MYRFL: variants seen among roughly 807,000 people sequenced by gnomAD.
The protein encoded by MYRFL is myelin regulatory factor like, also known as myelin regulatory factor-like protein.
Under a neutral mutation model 109.4 loss-of-function variants are expected in MYRFL, and 88 were observed. The ratio of observed to expected loss-of-function variants is 0.80; its 90% CI spans 0.68 to 0.96. The LOEUF (loss-of-function observed/expected upper bound fraction) is 0.96, where lower values mean the gene tolerates loss of function less well. Ranked by LOEUF, MYRFL falls within the 40% of genes least tolerant of loss-of-function variation. MYRFL has a pLI of 0.00. For synonymous variants in MYRFL, 324 were observed against 320.9 expected (o/e 1.01, Z -0.10); for missense variants, 957 against 954.9 (o/e 1.00, Z -0.03).
At chr12:69,896,714 C>T (rs1483214252) in intron 9 of MYRFL, among the ~76,000 whole-genome samples, 1 of 152,162 alleles carries the variant, frequency 6.6e-6, no homozygotes. Flanking sequence ...TCCATTAAGG[C>T]CCAGGCCATG....
chr12:69,831,567 G>T (rs1882634809), intron 1 of MYRFL, among the ~76,000 whole-genome samples: 1 of 152,164 alleles, frequency 6.6e-6, no homozygotes, highest in South Asian at 2.1e-4. Context: ...GGCTCTGCAG[G>T]CCTTAATTTC....
At chr12:69,933,906 T>G (rs1955359216) in intron 16 of MYRFL, among the ~76,000 whole-genome samples, 1 of 152,144 alleles carries the variant, frequency 6.6e-6, no homozygotes, top group South Asian at 2.1e-4. Context: ...TGTTTACCAC[T>G]AAGACTGTAG....
At position 69,910,850 on chromosome 12, in the gene MYRFL, C is replaced by T. The variant is rs936831466; in HGVS notation, c.1522C>T (p.Leu508=). Residue 508 remains leucine (L), a synonymous_variant, in exon 13 of 25, where the codon CTG becomes TTG. Transcript: ENST00000552032. ...GMIAQEVQEI[L]PRAVREVGDV... ...GATTGCCCAGGAGGTGCAAGAAATC[C>T]TGCCCAGAGCAGTAAGAGAGGTTGG... The T allele has an allele frequency of 6.5e-6, 10 of 1,535,062 alleles. No individual in the cohort carries two copies. In the Admixed American group the frequency reaches 1.4e-4, roughly 21 times the overall value.
At chr12:69,928,042 T>C (rs1032808054) in intron 15 of MYRFL, among the ~76,000 whole-genome samples, 2 of 152,206 alleles carry the variant, frequency 1.3e-5, no homozygotes, top group African/African-American at 2.4e-5. Flanking sequence ...CAGATGGCCT[T>C]GTGCTGCCAG....
At chr12:69,914,826 A>C (rs1413826903) in intron 13 of MYRFL, among the ~76,000 whole-genome samples, 1 of 152,206 alleles carries the variant, frequency 6.6e-6, no homozygotes, top group African/African-American at 2.4e-5. Flanking sequence ...TAAAACTCAC[A>C]GGAGTCCAGG....
chr12:69,932,149 C>T (rs770216174), intron 15 of MYRFL, among the ~76,000 whole-genome samples: 14 of 147,002 alleles, frequency 9.5e-5, no homozygotes, highest in Non-Finnish European at 6.1e-5. Flanking sequence ...TCAAAAGTAT[C>T]CTACTCAAAG....
rs2120448494 is a variant in MYRFL at position 69,926,944 on chromosome 12, T to G, written c.1766+210T>G. 1.5e-5 allele frequency among the ~76,000 whole-genome samples: 2 copies of G among 135,874 alleles called. 1 individual carries two copies. Among genetic ancestry groups the G allele is most frequent in the African/African-American group, 5.4e-5 (2 of 37,190 alleles). 89.1% of individuals were successfully genotyped at this position (135,874 alleles called of 152,430 possible). A position where few individuals can be genotyped will look rare whatever the true frequency, so the allele number is the denominator to read the frequency against. On this transcript the variant is annotated intron_variant, in intron 14 of 24. Coordinates refer to ENST00000552032, the MANE Select transcript of MYRFL (RefSeq NM_182530.3). ...TTTTTCTGTTGCTGGTTTTTTTTTT[T>G]TTTTTTTTTTTTTTTTTGAGCCTGA...
At chr12:69,913,931 C>T (rs1954655124) in intron 13 of MYRFL, among the ~76,000 whole-genome samples, 1 of 152,194 alleles carries the variant, frequency 6.6e-6, no homozygotes, top group South Asian at 2.1e-4. Flanking sequence ...AATCCTTGAA[C>T]ATGGGATGTA....
rs1956135468 is a variant in MYRFL at position 69,958,166 on chromosome 12, G to A, written c.2572-83G>A. ...CCAATACTTCTCCTACAGTCATTGA[G>A]GAAATGCTTTTTCAGCCTGTACTCT... On this transcript the variant is annotated intron_variant, in intron 23 of 24. Transcript: ENST00000552032. 2.3e-6 allele frequency: 3 copies of A among 1,284,524 alleles called. No homozygotes were observed. The South Asian group carries it at 3.9e-5, about 17-fold the overall frequency. 79.6% of individuals were successfully genotyped at this position (1,284,524 alleles called of 1,614,324 possible).
chr12:69,945,880 G>C (rs1330550247), intron 19 of MYRFL, among the ~76,000 whole-genome samples: 1 of 146,122 alleles, frequency 6.8e-6, no homozygotes, highest in Non-Finnish European at 1.5e-5. Context: ...CCAGCTACTT[G>C]GGAGGCTGAG....
chr12:69,841,680 C>T (rs1283899589), intron 1 of MYRFL, among the ~76,000 whole-genome samples: 2 of 152,154 alleles, frequency 1.3e-5, no homozygotes, highest in Non-Finnish European at 2.9e-5. Flanking sequence ...CTTGTTGACC[C>T]CCGCTCTTAG....
intron 3 of MYRFL, 38 bp from the exon 4 acceptor site, chr12:69,879,157 G>C (rs1307046032): frequency 9.0e-6 from 6 of 666,402 alleles, no homozygotes; most frequent in Admixed American, 6.4e-5. Context: ...ACTCTGGGCC[G>C]TGAGAAAGGG....
chr12:69,866,816 T>G (rs1249753824), intron 2 of MYRFL, among the ~76,000 whole-genome samples: 1 of 152,224 alleles, frequency 6.6e-6, no homozygotes, highest in Admixed American at 6.5e-5. Context: ...CTTGTCCCAT[T>G]AGATGCTGTG....
At chr12:69,899,342 A>G (rs1265425092) in intron 10 of MYRFL, among the ~76,000 whole-genome samples, 1 of 152,210 alleles carries the variant, frequency 6.6e-6, no homozygotes, top group Non-Finnish European at 1.5e-5. Flanking sequence ...TGAATTAGTG[A>G]GTTTTAGAAA....
At chr12:69,877,031 T>TTCTTTCTTTC (rs1565988332) in intron 2 of MYRFL, among the ~76,000 whole-genome samples, 6 of 32,456 alleles carry the variant, frequency 1.8e-4, no homozygotes, top group Non-Finnish European at 3.3e-4. Context: ...TTCTTTTTTT[T>TTCTTTCTTTC]TTTTTTTTTT....
chr12:69,936,421 G>A (rs1040933783), intron 18 of MYRFL, 32 bp from the exon 19 acceptor site: 1 of 1,522,870 alleles, frequency 6.6e-7, no homozygotes. Context: ...TAACCTTCTT[G>A]CTTCCCCTCC....
chr12:69,958,324 G>A lies in MYRFL; in HGVS notation c.2646+1G>A, dbSNP rs1406602585. 3 of 1,535,562 alleles carry A rather than the reference G, an allele frequency of 2.0e-6. No homozygotes were observed. The highest frequency in any genetic ancestry group is 2.6e-6 in the Non-Finnish European group (3 of 1,146,746). ...GTTCCATTTCCGTGTAGCTGCACCG[G>A]TAAGCTTGCTTTTTCTTTTTCTTTT... On this transcript the variant is annotated splice_donor_variant, in intron 24 of 24. Transcript: ENST00000552032. LOFTEE classifies it high-confidence loss of function.
At chr12:69,858,646 A>G (rs1453364721) in intron 2 of MYRFL, among the ~76,000 whole-genome samples, 2 of 151,862 alleles carry the variant, frequency 1.3e-5, no homozygotes, top group Non-Finnish European at 2.9e-5. Flanking sequence ...TATTCATAGT[A>G]TTTTTTATTA....
chr12:69,887,111 T>G, intron 6 of MYRFL, 141 bp downstream of exon 6: 1 of 857,376 alleles, frequency 1.2e-6, no homozygotes, highest in South Asian at 2.2e-5. Context: ...TACTCCTCAT[T>G]TTTTACATCC....
Sources: allele counts gnomAD v4.1 joint callset (sites outside exome capture counted in the v4.1 genomes callset), GRCh38; gene constraint gnomAD v4.1.1; transcripts MANE v1.5; gene names NCBI Gene and HGNC (gene_info 2026-07-23, HGNC 2026-07-21).